Variants in VWA5B1 observed in about 807,000 individuals in gnomAD.
VWA5B1 encodes the protein von Willebrand factor A domain-containing protein 5B1.
A neutral mutation model predicts 118.2 loss-of-function variants in VWA5B1; 115 were observed. The observed-to-expected ratio is 0.97, with a 90% CI of 0.84 to 1.14. The LOEUF is 1.14. Among genes scored for constraint, VWA5B1 ranks in the 50% most tolerant of loss-of-function variants. The pLI is 0.00. For missense variants in VWA5B1, 1,596 were observed against 1,603.8 expected, an observed-to-expected ratio of 1.00 and a Z score of 0.08; for synonymous variants, 682 against 658.4, an observed-to-expected ratio of 1.04 and a Z score of -0.55.
intron 8 of VWA5B1, among the ~76,000 whole-genome samples, chr1:20,325,013 T>C (rs2089335084): frequency 6.6e-6 from 1 of 152,176 alleles, no homozygotes; most frequent in South Asian, 2.1e-4. Flanking sequence ...TCAGTTACCC[T>C]AGAGCATCAC....
chr1:20,308,986 C>T (rs114401945), intron 1 of VWA5B1, among the ~76,000 whole-genome samples: 1 of 152,330 alleles, frequency 6.6e-6, no homozygotes, highest in African/African-American at 2.4e-5. Context: ...TGACCTCAGA[C>T]TTCTATCCCA....
At chr1:20,328,307 G>A (rs2089448358) in intron 9 of VWA5B1, among the ~76,000 whole-genome samples, 1 of 152,150 alleles carries the variant, frequency 6.6e-6, no homozygotes, top group African/African-American at 2.4e-5. Context: ...GCCCAGGCCT[G>A]CCACTCACTG....
At chr1:20,343,013 G>A (rs2089915591) in intron 15 of VWA5B1, 66 bp from the exon 16 acceptor site, 1 of 1,457,052 alleles carries the variant, frequency 6.9e-7, no homozygotes, top group Non-Finnish European at 9.1e-7. Flanking sequence ...GAGGAATGAT[G>A]TCCCCTGGGA....
chr1:20,332,839 C>A lies in VWA5B1; in HGVS notation c.1646C>A (p.Thr549Asn), dbSNP rs1316744082. ...DVTVEWIFPE[T>N]TEVLVSPVSA... Reference sequence around the variant, plus strand: ...ACTGTGGAGTGGATCTTCCCTGAGACCACTGAGGTCCTGGTCTCACCCGTC... The same window carrying A: ...ACTGTGGAGTGGATCTTCCCTGAGAACACTGAGGTCCTGGTCTCACCCGTC... The change falls in exon 12 of 22, where the codon ACC (threonine) becomes AAC (asparagine). Residue 549 changes from threonine to asparagine, a missense_variant. Coordinates refer to ENST00000289815, the MANE Select transcript of VWA5B1 (RefSeq NM_001039500.3). 9.0e-6 allele frequency: 14 copies of A among 1,551,704 alleles called. No individual in the cohort carries two copies. The highest frequency in any genetic ancestry group is 1.4e-5 in the African/African-American group (1 of 73,066).
chr1:20,315,594 A>G (rs2088981229), intron 4 of VWA5B1, among the ~76,000 whole-genome samples: 1 of 152,204 alleles, frequency 6.6e-6, no homozygotes, highest in Non-Finnish European at 1.5e-5. Context: ...TTGTGGCCTG[A>G]CCTGAATGAA....
At position 20,312,791 on chromosome 1, in the gene VWA5B1, G is replaced by T. The variant is rs1316945338; in HGVS notation, c.140-45G>T. On this transcript the variant is annotated intron_variant, in intron 2 of 21. Transcript: ENST00000289815. ...GTTCCTTCCAGGCAAGGGGTGTGCA[G>T]GGTAGGCCTGGGGCACCCCGTGATG... 9 of 1,519,338 alleles carry T rather than the reference G, an allele frequency of 5.9e-6. No individual in the cohort carries two copies. The East Asian group carries it at 2.2e-4, about 38-fold the overall frequency. 94.1% of individuals were successfully genotyped at this position (1,519,338 alleles called of 1,614,324 possible). A position where few individuals can be genotyped will look rare whatever the true frequency, so the allele number is the denominator to read the frequency against.
chr1:20,319,201 C>T (rs2089126909), intron 6 of VWA5B1, among the ~76,000 whole-genome samples, 181 bp from the exon 7 acceptor site: 1 of 152,180 alleles, frequency 6.6e-6, no homozygotes, highest in South Asian at 2.1e-4. Context: ...CCACTAGGCT[C>T]CCCTGCCTCC....
chr1:20,324,677 A>G (rs141098823), intron 8 of VWA5B1, among the ~76,000 whole-genome samples: 137 of 152,138 alleles, frequency 9.0e-4, no homozygotes, highest in African/African-American at 3.1e-3. Flanking sequence ...GTTTGTTCCC[A>G]GAGCAAGCTC....
intron 9 of VWA5B1, among the ~76,000 whole-genome samples, chr1:20,329,950 A>C (rs1438803523): frequency 6.6e-6 from 1 of 152,226 alleles, no homozygotes; most frequent in African/African-American, 2.4e-5. Context: ...GAACCCGGAA[A>C]GGACAACTGG....
chr1:20,343,368 G>C lies in VWA5B1; in HGVS notation c.2601G>C (p.Ala867=), dbSNP rs1190118109. The change falls in exon 16 of 22, where the codon GCG becomes GCC. Residue 867 remains alanine (A), a synonymous_variant. Transcript: ENST00000289815. The part of the protein sequence containing the change: ...RAIIRDFEQL[A]EREGEIEQGS... ...TCATCCGCGACTTCGAGCAGCTGGC[G>C]GAGCGCGAGGGCGAGATCGAGCAGG... 1 of 1,535,952 alleles carries C rather than the reference G, an allele frequency of 6.5e-7. No homozygotes were observed. The highest frequency in any genetic ancestry group is 8.7e-7 in the Non-Finnish European group (1 of 1,143,260).
rs1377473655 is a variant in VWA5B1 at position 20,355,451 on chromosome 1, G to A, written c.*1188G>A. 6.6e-6 allele frequency among the ~76,000 whole-genome samples: 1 copy of A among 152,214 alleles called. No homozygotes were observed. Among genetic ancestry groups the A allele is most frequent in the Admixed American group, 6.5e-5 (1 of 15,284 alleles). On this transcript the variant is annotated 3_prime_UTR_variant, in exon 22 of 22. Transcript: ENST00000289815. ...TCTCCTCTTCCCCACTGACTCCCCT[G>A]GAGGTGGGTCTAGACCTCACCAAGG...
chr1:20,332,697 A>G, intron 11 of VWA5B1, 69 bp from the exon 12 acceptor site: 1 of 1,499,226 alleles, frequency 6.7e-7, no homozygotes, highest in South Asian at 1.3e-5. Context: ...CTAAGCTGAT[A>G]CTTACATGAT....
chr1:20,314,352 C>T lies in VWA5B1; in HGVS notation c.323C>T (p.Ala108Val), dbSNP rs1172962457. 1.3e-6 allele frequency: 2 copies of T among 1,551,944 alleles called. No individual in the cohort carries two copies. Among genetic ancestry groups the T allele is most frequent in the Admixed American group, 3.9e-5 (2 of 51,006 alleles). ...ATTCTGCAAGACGGGGTTTCCATAG[C>T]CCCTCATTCCTGCACACCGGGAAAG... ...GNILQDGVSI[A>V]PHSCTPGKVT... The change falls in exon 4 of 22, where the codon GCC (alanine) becomes GTC (valine). Residue 108 changes from alanine to valine, a missense_variant. By Grantham distance (64) the Ala-to-Val change is moderately conservative. Coordinates refer to ENST00000289815, the MANE Select transcript of VWA5B1 (RefSeq NM_001039500.3).
intron 17 of VWA5B1, among the ~76,000 whole-genome samples, chr1:20,347,080 C>T (rs2090022989): frequency 6.6e-6 from 1 of 152,184 alleles, no homozygotes. Flanking sequence ...ACCAAAGTCC[C>T]AAAGCCCCCT....
At chr1:20,335,293 CA>C (rs1447798661) in intron 12 of VWA5B1, among the ~76,000 whole-genome samples, 1 of 152,194 alleles carries the variant, frequency 6.6e-6, no homozygotes, top group Non-Finnish European at 1.5e-5. Context: ...AGCCTACGTG[CA>C]GTGTGGAGAC....
intron 1 of VWA5B1, among the ~76,000 whole-genome samples, chr1:20,295,183 G>C (rs978689527): frequency 3.3e-5 from 5 of 152,186 alleles, no homozygotes; most frequent in Admixed American, 6.5e-5. Flanking sequence ...GGATCACAGG[G>C]CTCTGGGTTG....
chr1:20,324,218 C>T (rs556169949), intron 8 of VWA5B1, among the ~76,000 whole-genome samples: 3 of 152,300 alleles, frequency 2.0e-5, no homozygotes, highest in South Asian at 2.1e-4. Flanking sequence ...TTGCTGTCCT[C>T]AAGGAGCTGA....
Position 20,330,999 on chromosome 1 carries a change from C to T in VWA5B1, c.1572+16C>T, listed in dbSNP as rs184571300. 4 of 1,530,952 alleles carry T rather than the reference C, an allele frequency of 2.6e-6. No individual in the cohort carries two copies. Among genetic ancestry groups the T allele is most frequent in the East Asian group, 2.5e-5 (1 of 40,764 alleles). 94.8% of individuals were successfully genotyped at this position (1,530,952 alleles called of 1,614,324 possible). The stretch of plus-strand genomic sequence containing the variant: ...GCAACCCAAGGTAGGCAGCAGAACC[C>T]ACGCAGTCCCTTCTGGTGCTGGAAC... On this transcript the variant is annotated intron_variant, in intron 11 of 21. Coordinates refer to ENST00000289815, the MANE Select transcript of VWA5B1 (RefSeq NM_001039500.3).
At chr1:20,303,692 C>T (rs1292138063) in intron 1 of VWA5B1, among the ~76,000 whole-genome samples, 1 of 152,166 alleles carries the variant, frequency 6.6e-6, no homozygotes, top group African/African-American at 2.4e-5. Context: ...CTAACCACTA[C>T]CCCATGGGCA....
Sources: allele counts gnomAD v4.1 joint callset (sites outside exome capture counted in the v4.1 genomes callset), GRCh38; gene constraint gnomAD v4.1.1; transcripts MANE v1.5; gene names NCBI Gene and HGNC (gene_info 2026-07-23, HGNC 2026-07-21).